Variants in PAPPA2 observed in about 807,000 individuals in gnomAD.
PAPPA2 encodes the protein pappalysin 2, also known as pappalysin-2.
A neutral mutation model predicts 176.4 loss-of-function variants in PAPPA2; 86 were observed. The ratio of observed to expected loss-of-function variants is 0.49; its 90% CI spans 0.41 to 0.58. PAPPA2 has a LOEUF of 0.58. Among genes scored for constraint, PAPPA2 ranks in the 20% least tolerant of loss-of-function variants. The pLI, the probability that PAPPA2 is intolerant of heterozygous loss-of-function variation, is 0.00. For missense variants in PAPPA2, 2,073 were observed against 2,256.9 expected (o/e 0.92, Z 1.65); for synonymous variants, 809 against 852.2 (o/e 0.95, Z 0.88).
rs745386660 is a variant in PAPPA2, at chr1:176,843,991, A to C, written c.*1537A>C. On this transcript the variant is annotated 3_prime_UTR_variant, in exon 23 of 23. Transcript: ENST00000367662. The stretch of plus-strand genomic sequence containing the variant: ...TTACCCTTTCTTATCCAATAGATGG[A>C]ATGCACATGAAATGACCATATTAAG... 1.3e-5 allele frequency: 2 copies of C among 152,144 alleles called. No individual in the cohort carries two copies. The highest frequency in any genetic ancestry group is 6.6e-5 in the Admixed American group (1 of 15,262). 9.4% of individuals were successfully genotyped at this position (152,144 alleles called of 1,614,324 possible).
intron 1 of PAPPA2, among the ~76,000 whole-genome samples, chr1:176,465,320 T>C (rs1459183257): frequency 2.0e-5 from 3 of 152,198 alleles, no homozygotes; most frequent in Admixed American, 2.0e-4. Context: ...CACATGCAAA[T>C]CATTTCCAGA....
intron 3 of PAPPA2, among the ~76,000 whole-genome samples, chr1:176,658,589 A>G (rs375697308): frequency 2.0e-5 from 3 of 152,102 alleles, no homozygotes; most frequent in Admixed American, 6.6e-5. Context: ...AAGAGGTGTT[A>G]TAGAAAAGAG....
intron 1 of PAPPA2, among the ~76,000 whole-genome samples, chr1:176,505,675 C>G (rs60269167): frequency 0.014 from 2,163 of 151,926 alleles, 53 homozygotes; most frequent in African/African-American, 0.049. Flanking sequence ...ACAACAACAA[C>G]AAAAAGCCTG....
At chr1:176,523,618 G>A (rs754096946) in intron 1 of PAPPA2, among the ~76,000 whole-genome samples, 5 of 152,130 alleles carry the variant, frequency 3.3e-5, no homozygotes, top group Non-Finnish European at 7.4e-5. Context: ...TCTTTCATTT[G>A]GAAATTCATT....
chr1:176,608,738 G>A (rs1219753065), intron 3 of PAPPA2, among the ~76,000 whole-genome samples: 2 of 152,120 alleles, frequency 1.3e-5, no homozygotes, highest in Non-Finnish European at 2.9e-5. Context: ...AAGTTCCTGG[G>A]CGTTAGGAAT....
At chr1:176,590,495 T>A (rs1195024219) in intron 2 of PAPPA2, among the ~76,000 whole-genome samples, 1 of 152,204 alleles carries the variant, frequency 6.6e-6, no homozygotes, top group Non-Finnish European at 1.5e-5. Context: ...TTATTTCCTT[T>A]GATAACACAT....
Position 176,699,181 on chromosome 1 carries a change from C to G in PAPPA2, c.2828C>G (p.Thr943Arg), listed in dbSNP as rs770232499. 1 of 1,614,004 alleles carries G rather than the reference C, an allele frequency of 6.2e-7. No individual in the cohort carries two copies. Among genetic ancestry groups the G allele is most frequent in the Non-Finnish European group, 8.5e-7 (1 of 1,180,028 alleles). ...GTCCACCTGTACCACATGAACATGA[C>G]GGTCCCCTGCCCCACAGAAGGCTGT... is the stretch of plus-strand genomic sequence containing the variant. ...PEVHLYHMNM[T>R]VPCPTEGCSL... The change falls in exon 8 of 23, where the codon ACG becomes AGG. Residue 943 changes from threonine to arginine, a missense_variant. Thr to Arg is a moderately conservative substitution (Grantham distance 71). Coordinates refer to ENST00000367662, the MANE Select transcript of PAPPA2 (RefSeq NM_020318.3).
intron 17 of PAPPA2, among the ~76,000 whole-genome samples, chr1:176,786,742 C>T (rs529115895): frequency 3.9e-5 from 6 of 152,256 alleles, no homozygotes; most frequent in East Asian, 1.9e-4. Context: ...CAGGGTTTAC[C>T]GTGTGTTTTG....
intron 3 of PAPPA2, among the ~76,000 whole-genome samples, chr1:176,603,444 T>C (rs1046336537): frequency 6.6e-6 from 1 of 152,152 alleles, no homozygotes; most frequent in African/African-American, 2.4e-5. Flanking sequence ...GGGCGGGACA[T>C]GTAGTTAGGG....
At chr1:176,805,087 CTTCCTTTT>C (rs1018065594) in intron 21 of PAPPA2, among the ~76,000 whole-genome samples, 43 of 146,918 alleles carry the variant, frequency 2.9e-4, no homozygotes, top group Admixed American at 7.5e-4. Flanking sequence ...TCCTTCCTTC[CTTCCTTTT>C]ATTTTTCCTT....
At chr1:176,581,318 A>G (rs1365327932) in intron 2 of PAPPA2, among the ~76,000 whole-genome samples, 3 of 152,060 alleles carry the variant, frequency 2.0e-5, no homozygotes, top group Non-Finnish European at 2.9e-5. Context: ...CCACTGGTCT[A>G]TTTGCCTATT....
rs550706911 is a variant in PAPPA2 at position 176,783,986 on chromosome 1, T to A, written c.4716-5823T>A. On this transcript the variant is annotated intron_variant, in intron 17 of 22. Coordinates refer to ENST00000367662, the MANE Select transcript of PAPPA2 (RefSeq NM_020318.3). ...GATGGGATTGGTCTACACATGTAAGTTGGAAATCATTGATCTCATGATCAG... is the reference window on the plus strand; with the variant it reads ...GATGGGATTGGTCTACACATGTAAGATGGAAATCATTGATCTCATGATCAG... 2.0e-5 allele frequency among the ~76,000 whole-genome samples: 3 copies of A among 152,236 alleles called. No individual in the cohort carries two copies. The East Asian group carries it at 5.8e-4, about 29-fold the overall frequency.
At chr1:176,481,252 G>GCACA (rs56206580) in intron 1 of PAPPA2, among the ~76,000 whole-genome samples, 23,322 of 139,754 alleles carry the variant, frequency 0.17, 2,263 homozygotes, top group East Asian at 0.42. Flanking sequence ...AGATTTTAAA[G>GCACA]CACACACACA....
At chr1:176,782,810 A>C (rs1664777605) in intron 17 of PAPPA2, among the ~76,000 whole-genome samples, 1 of 152,160 alleles carries the variant, frequency 6.6e-6, no homozygotes, top group South Asian at 2.1e-4. Flanking sequence ...CCCTCCGACT[A>C]ATCTTTGCTG....
chr1:176,804,437 A>G (rs1665808258), intron 21 of PAPPA2, among the ~76,000 whole-genome samples: 1 of 152,190 alleles, frequency 6.6e-6, no homozygotes. Flanking sequence ...GCTGAATATC[A>G]TACAGTGCAC....
intron 19 of PAPPA2, among the ~76,000 whole-genome samples, chr1:176,792,200 T>C (rs1665208243): frequency 6.6e-6 from 1 of 152,220 alleles, no homozygotes; most frequent in Non-Finnish European, 1.5e-5. Context: ...CAATTACAAT[T>C]AAAGGTCTTC....
chr1:176,779,290 T>C (rs1455082606), intron 17 of PAPPA2, among the ~76,000 whole-genome samples: 1 of 152,110 alleles, frequency 6.6e-6, no homozygotes, highest in Non-Finnish European at 1.5e-5. Flanking sequence ...TGTCTCTGGC[T>C]CACCCTTTCT....
chr1:176,646,936 A>G (rs10913232), intron 3 of PAPPA2, among the ~76,000 whole-genome samples: 5,716 of 151,640 alleles, frequency 0.038, 156 homozygotes, highest in Middle Eastern at 0.099. Flanking sequence ...TAGCAGTGAG[A>G]TTGCTGGATC....
intron 1 of PAPPA2, among the ~76,000 whole-genome samples, chr1:176,494,163 G>A (rs919221531): frequency 7.9e-5 from 12 of 152,238 alleles, no homozygotes; most frequent in Admixed American, 5.2e-4. Context: ...TTAATTCACC[G>A]ATCATCTAAG....
Sources: allele counts gnomAD v4.1 joint callset (sites outside exome capture counted in the v4.1 genomes callset), GRCh38; gene constraint gnomAD v4.1.1; transcripts MANE v1.5; gene names NCBI Gene and HGNC (gene_info 2026-07-23, HGNC 2026-07-21).